The following TESK2 variants were observed in gnomAD, a reference collection of about 807,000 sequenced individuals.
The protein encoded by TESK2 is dual specificity testis-specific protein kinase 2.
TESK2 carries 39 observed loss-of-function variants against 57.1 expected under a neutral mutation model. The observed-to-expected ratio is 0.68, with a 90% CI of 0.53 to 0.89. TESK2 has a LOEUF of 0.89. Ranked by LOEUF, TESK2 falls within the 40% of genes least tolerant of loss-of-function variation. The probability of loss-of-function intolerance (pLI) is 0.00; values close to 1 mark genes in which losing one functional copy is unlikely to be tolerated. For synonymous variants in TESK2, 249 were observed against 267.9 expected (o/e 0.93, Z 0.69); for missense variants, 646 against 732.1 (o/e 0.88, Z 1.36).
At chr1:45,431,983 T>A (rs1650985243) in intron 2 of TESK2, among the ~76,000 whole-genome samples, 1 of 152,024 alleles carries the variant, frequency 6.6e-6, no homozygotes, top group Admixed American at 6.6e-5. Flanking sequence ...CAGTAGCTCA[T>A]GCCTGTAATC....
At chr1:45,453,480 G>T (rs1651958668) in intron 2 of TESK2, among the ~76,000 whole-genome samples, 1 of 151,896 alleles carries the variant, frequency 6.6e-6, no homozygotes, top group Non-Finnish European at 1.5e-5. Context: ...TGTAAAATTT[G>T]GTATCCTCAA....
chr1:45,472,356 G>A (rs1366564271), intron 1 of TESK2, among the ~76,000 whole-genome samples: 16 of 151,234 alleles, frequency 1.1e-4, no homozygotes, highest in Admixed American at 2.6e-4. Flanking sequence ...TCAAGAGTTC[G>A]AGACCAGCCT....
intron 3 of TESK2, among the ~76,000 whole-genome samples, chr1:45,404,278 G>A (rs780417598): frequency 9.2e-5 from 14 of 152,132 alleles, no homozygotes; most frequent in Admixed American, 4.6e-4. Flanking sequence ...TGCAAGGTTT[G>A]TGCTCTCCAC....
intron 4 of TESK2, among the ~76,000 whole-genome samples, chr1:45,357,072 T>C (rs760668893): frequency 8.6e-5 from 13 of 151,928 alleles, no homozygotes; most frequent in Non-Finnish European, 1.6e-4. Flanking sequence ...AGCAGGCGTC[T>C]GTAATCCCAG....
intron 1 of TESK2, among the ~76,000 whole-genome samples, chr1:45,466,132 A>G (rs1223012461): frequency 6.6e-6 from 1 of 152,130 alleles, no homozygotes; most frequent in Non-Finnish European, 1.5e-5. Flanking sequence ...GCTTGAGCCC[A>G]GGAGTTCGAG....
rs1383810190 is a variant in TESK2, at chr1:45,426,056, C to A, written c.223-4210G>T. ...AATCCCAGCTACTCGGGAGGCTGAG[C>A]AGGAGAATGGCTTGAACCCGGGAGG... On this transcript the variant is annotated intron_variant, in intron 2 of 10. Coordinates refer to ENST00000372086, the MANE Select transcript of TESK2 (RefSeq NM_007170.3). 3.3e-5 allele frequency among the ~76,000 whole-genome samples: 5 copies of A among 151,920 alleles called. No individual in the cohort carries two copies. In the East Asian group the frequency reaches 9.7e-4, roughly 29 times the overall value.
chr1:45,345,489 G>A lies in TESK2; in HGVS notation c.1067C>T (p.Pro356Leu), dbSNP rs1159805886. The A allele has an allele frequency of 6.2e-7, 1 of 1,614,144 alleles. No individual in the cohort carries two copies. The highest frequency in any genetic ancestry group is 2.2e-5 in the East Asian group (1 of 44,878). ...SLDDKIPHKS[P>L]CPRRTIWLSR... ...CAGCCAGATGGTACGTCTTGGGCAT[G>A]GTGACTTGTGGGGGATCTTGTCATC... The change falls in exon 11 of 11, where the codon CCA (proline) becomes CTA (leucine). Residue 356 changes from proline to leucine, a missense_variant. Physicochemically the swap from Pro to Leu is moderately conservative, Grantham distance 98. Coordinates refer to ENST00000372086, the MANE Select transcript of TESK2 (RefSeq NM_007170.3).
At chr1:45,413,785 G>A in intron 3 of TESK2, 1 of 455,420 alleles carries the variant, frequency 2.2e-6, no homozygotes, top group Non-Finnish European at 4.4e-6. Flanking sequence ...GCACATCTGT[G>A]TAATCCTAGG....
At chr1:45,474,313 A>C (rs1652895461) in intron 1 of TESK2, among the ~76,000 whole-genome samples, 1 of 151,978 alleles carries the variant, frequency 6.6e-6, no homozygotes, top group Non-Finnish European at 1.5e-5. Flanking sequence ...TGGGTGATGG[A>C]GTGAGATTCG....
intron 3 of TESK2, chr1:45,398,696 A>G (rs1649460359): frequency 8.5e-6 from 2 of 234,440 alleles, no homozygotes; most frequent in Non-Finnish European, 1.7e-5. Context: ...GAGAATAGCT[A>G]CTTGTTCAAC....
chr1:45,429,602 T>C (rs968071765), intron 2 of TESK2, among the ~76,000 whole-genome samples: 2 of 152,094 alleles, frequency 1.3e-5, no homozygotes, highest in Admixed American at 6.6e-5. Flanking sequence ...CAGTTTTGGA[T>C]TGAGTTCCTG....
rs1228871329 is a variant in TESK2, at chr1:45,390,764, TGTTA to T, written c.345-4808_345-4805del. ...CTAATTTTGGTATTATTATTATTAT[TGTTA>T]TTGTTATTATTATTATTATCATAGC... On this transcript the variant is annotated intron_variant, in intron 3 of 10. Coordinates refer to ENST00000372086, the MANE Select transcript of TESK2 (RefSeq NM_007170.3). Among the ~76,000 whole-genome samples the T allele has an allele frequency of 1.7e-4, 26 of 150,342 alleles. No homozygotes were observed. In the East Asian group the frequency reaches 5.1e-3, roughly 29 times the overall value.
chr1:45,453,074 T>C (rs922339855), intron 2 of TESK2, among the ~76,000 whole-genome samples: 11 of 151,188 alleles, frequency 7.3e-5, no homozygotes, highest in African/African-American at 2.4e-4. Flanking sequence ...AGGCTGGACA[T>C]GGTGGTGCAC....
intron 2 of TESK2, among the ~76,000 whole-genome samples, chr1:45,450,389 G>A (rs55642258): frequency 0.24 from 36,576 of 151,930 alleles, 4,539 homozygotes; most frequent in East Asian, 0.36. Flanking sequence ...GCATGAGCCT[G>A]AAATCCCAGC....
intron 1 of TESK2, among the ~76,000 whole-genome samples, chr1:45,470,728 C>G (rs1405548717): frequency 1.3e-5 from 2 of 152,188 alleles, no homozygotes; most frequent in African/African-American, 4.8e-5. Flanking sequence ...TATTAGCTGA[C>G]TCAAATGTTA....
chr1:45,344,947 C>T lies in TESK2; in HGVS notation c.1609G>A (p.Gly537Ser). 1 of 1,614,256 alleles carries T rather than the reference C, an allele frequency of 6.2e-7. No homozygotes were observed. Among genetic ancestry groups the T allele is most frequent in the South Asian group, 1.1e-5 (1 of 91,090 alleles). ...TCTACCTCCATCTCCTCAGAAGCACCCGCAGGGCATGGACTGGTCCCCTGG... is the reference window on the plus strand; with the variant it reads ...TCTACCTCCATCTCCTCAGAAGCACTCGCAGGGCATGGACTGGTCCCCTGG... ...RPQGTSPCPA[G>S]ASEEMEVEER... The change falls in exon 11 of 11, where the codon GGT becomes AGT. Residue 537 changes from glycine (G) to serine (S), a missense_variant. Transcript: ENST00000372086.
chr1:45,345,445 T>G lies in TESK2; in HGVS notation c.1111A>C (p.Ile371Leu). The change falls in exon 11 of 11, where the codon ATC becomes CTC. Residue 371 changes from isoleucine to leucine, a missense_variant. Coordinates refer to ENST00000372086, the MANE Select transcript of TESK2 (RefSeq NM_007170.3). Reference sequence around the variant, plus strand: ...GTACGTGGGGGCTTACGGGAAAAGATATCTGACTGGCTTCGAGACAGCCAG... The same window carrying G: ...GTACGTGGGGGCTTACGGGAAAAGAGATCTGACTGGCTTCGAGACAGCCAG... Reference protein sequence around the residue: ...TIWLSRSQSDIFSRKPPRTVS... With the variant: ...TIWLSRSQSDLFSRKPPRTVS... 3 of 1,614,158 alleles carry G rather than the reference T, an allele frequency of 1.9e-6. No homozygotes were observed. Among genetic ancestry groups the G allele is most frequent in the Non-Finnish European group, 2.5e-6 (3 of 1,180,030 alleles).
chr1:45,380,142 C>T (rs1648597366), intron 4 of TESK2, among the ~76,000 whole-genome samples: 1 of 152,142 alleles, frequency 6.6e-6, no homozygotes, highest in South Asian at 2.1e-4. Context: ...TCAGGTGATC[C>T]ACCCGCCTCG....
At chr1:45,454,491 C>T (rs1437861592) in intron 2 of TESK2, among the ~76,000 whole-genome samples, 1 of 151,856 alleles carries the variant, frequency 6.6e-6, no homozygotes, top group African/African-American at 2.4e-5. Flanking sequence ...GTTGCCCAGG[C>T]TGGTCTCAAA....
Sources: allele counts gnomAD v4.1 joint callset (sites outside exome capture counted in the v4.1 genomes callset), GRCh38; gene constraint gnomAD v4.1.1; transcripts MANE v1.5; gene names NCBI Gene and HGNC (gene_info 2026-07-23, HGNC 2026-07-21).